The following NOL4L variants were observed in gnomAD, a reference collection of about 807,000 sequenced individuals.
The protein encoded by NOL4L is nucleolar protein 4-like.
Under a neutral mutation model 64.5 loss-of-function variants are expected in NOL4L, and 7 were observed. The ratio of observed to expected loss-of-function variants is 0.11; its 90% CI spans 0.06 to 0.20. The LOEUF is 0.20. Ranked by LOEUF, NOL4L falls within the 10% of genes least tolerant of loss-of-function variation. The pLI, the probability that NOL4L is intolerant of heterozygous loss-of-function variation, is 1.00. For synonymous variants in NOL4L, 413 were observed against 401.0 expected, an observed-to-expected ratio of 1.03 and a Z score of -0.36; for missense variants, 680 against 967.1, an observed-to-expected ratio of 0.70 and a Z score of 3.94.
Position 32,447,834 on chromosome 20 carries a change from G to A in NOL4L, c.1823-18C>T, listed in dbSNP as rs756005579. 6.5e-7 allele frequency: 1 copy of A among 1,526,872 alleles called. No homozygotes were observed. The highest frequency in any genetic ancestry group is 8.8e-7 in the Non-Finnish European group (1 of 1,136,210). 94.6% of individuals were successfully genotyped at this position (1,526,872 alleles called of 1,614,324 possible). ...CGTGGGCCCTGTGGAGAGGGAAGTA[G>A]GGTGAGAAGGGAGCAGCCACCCTGC... On this transcript the variant is annotated intron_variant, in intron 10 of 10. Transcript: ENST00000621426.
chr20:32,554,840 C>T (rs1978549038), intron 1 of NOL4L, among the ~76,000 whole-genome samples: 1 of 152,196 alleles, frequency 6.6e-6, no homozygotes, highest in African/African-American at 2.4e-5. Context: ...ACTAATTCAT[C>T]TTGAGCACCT....
chr20:32,485,709 C>T (rs2016060214), intron 4 of NOL4L: 1 of 470,326 alleles, frequency 2.1e-6, no homozygotes, highest in African/African-American at 2.0e-5. Context: ...GTGGCCACAG[C>T]TCTTAAGTTC....
At chr20:32,495,086 G>C (rs1466591402) in intron 4 of NOL4L, among the ~76,000 whole-genome samples, 1 of 152,244 alleles carries the variant, frequency 6.6e-6, no homozygotes, top group Non-Finnish European at 1.5e-5. Flanking sequence ...CCTGCTGTGC[G>C]TACTGTGGTG....
intron 4 of NOL4L, among the ~76,000 whole-genome samples, chr20:32,487,942 T>TTA (rs2016164550): frequency 6.6e-6 from 1 of 151,792 alleles, no homozygotes; most frequent in African/African-American, 2.4e-5. Flanking sequence ...TTATTTTTTT[T>TTA]TTTTTTTGAC....
intron 1 of NOL4L, among the ~76,000 whole-genome samples, chr20:32,551,877 C>A (rs1406197725): frequency 6.6e-6 from 1 of 152,150 alleles, no homozygotes; most frequent in South Asian, 2.1e-4. Flanking sequence ...CAGCCTTGAA[C>A]TCCTGGGCTC....
At chr20:32,532,046 C>T (rs1159990059) in intron 1 of NOL4L, among the ~76,000 whole-genome samples, 2 of 152,216 alleles carry the variant, frequency 1.3e-5, no homozygotes, top group Admixed American at 1.3e-4. Flanking sequence ...TGTGGCCTGT[C>T]TCTTCCCAGC....
At chr20:32,533,371 C>T (rs907089633) in intron 1 of NOL4L, 4 of 152,212 alleles carry the variant, frequency 2.6e-5, no homozygotes, top group African/African-American at 7.2e-5. Context: ...CCACCTTAAA[C>T]CTACCAAATC....
intron 6 of NOL4L, chr20:32,454,221 C>T (rs548288441): frequency 8.6e-5 from 15 of 174,616 alleles, no homozygotes; most frequent in Admixed American, 1.6e-4. Flanking sequence ...AGTTGACAAC[C>T]GAGCTGTCAC....
At chr20:32,583,661 C>T (rs1484214210) in intron 1 of NOL4L, among the ~76,000 whole-genome samples, 25 of 149,574 alleles carry the variant, frequency 1.7e-4, no homozygotes, top group Non-Finnish European at 2.7e-4. Context: ...CCCCCCAGCC[C>T]CCACCCTCTG....
chr20:32,488,787 C>T (rs1294634285), intron 4 of NOL4L, among the ~76,000 whole-genome samples: 4 of 40,794 alleles, frequency 9.8e-5, no homozygotes, highest in African/African-American at 1.8e-4. Flanking sequence ...TCCTTCCTTC[C>T]TTCCTTTCTT....
At chr20:32,510,119 T>A in intron 4 of NOL4L, 1 of 397,662 alleles carries the variant, frequency 2.5e-6, no homozygotes, top group Non-Finnish European at 4.8e-6. Flanking sequence ...CCCAAGCCCA[T>A]TTTCCCCACT....
chr20:32,500,538 C>CTTTTT (rs35172494), intron 4 of NOL4L, among the ~76,000 whole-genome samples: 2 of 129,580 alleles, frequency 1.5e-5, no homozygotes, highest in Non-Finnish European at 3.3e-5. Flanking sequence ...GTATTTCTTT[C>CTTTTT]TTTTTTTTTT....
In NOL4L at chr20:32,446,494, A is replaced by G. The variant is rs1447341714; in HGVS notation, c.*1102T>C. 1 of 152,192 alleles carries G rather than the reference A, an allele frequency of 6.6e-6. No homozygotes were observed. Among genetic ancestry groups the G allele is most frequent in the Non-Finnish European group, 1.5e-5 (1 of 68,054 alleles). 9.4% of individuals were successfully genotyped at this position (152,192 alleles called of 1,614,324 possible). Reference sequence around the variant, plus strand: ...GAAGTGGCCCCTCTTGGCAGGAGTGAGTCTGAGGGGCCAGGCCTGTGCACA... The same window carrying G: ...GAAGTGGCCCCTCTTGGCAGGAGTGGGTCTGAGGGGCCAGGCCTGTGCACA... On this transcript the variant is annotated 3_prime_UTR_variant, in exon 11 of 11. Transcript: ENST00000621426.
At chr20:32,487,137 A>C (rs1220997204) in intron 4 of NOL4L, among the ~76,000 whole-genome samples, 1 of 151,962 alleles carries the variant, frequency 6.6e-6, no homozygotes, top group African/African-American at 2.4e-5. Context: ...GCGTGGTGGC[A>C]CACACCTGTA....
At chr20:32,533,444 ACTG>A (rs2145587393) in intron 1 of NOL4L, 1 of 152,332 alleles carries the variant, frequency 6.6e-6, no homozygotes, top group South Asian at 2.1e-4. Flanking sequence ...GATTTTGAGA[ACTG>A]CTGATCAGAA....
At chr20:32,519,147 C>G (rs1160732384) in intron 3 of NOL4L, among the ~76,000 whole-genome samples, 2 of 152,164 alleles carry the variant, frequency 1.3e-5, no homozygotes, top group Non-Finnish European at 2.9e-5. Flanking sequence ...TGGGAACCAG[C>G]ATTTATGAGG....
intron 1 of NOL4L, among the ~76,000 whole-genome samples, chr20:32,551,767 T>C (rs1600867383): frequency 6.6e-6 from 1 of 152,050 alleles, no homozygotes; most frequent in Admixed American, 6.6e-5. Context: ...GAATATATGA[T>C]ACTGAAAGTC....
At chr20:32,475,790 C>T (rs552289778) in intron 4 of NOL4L, among the ~76,000 whole-genome samples, 1 of 152,346 alleles carries the variant, frequency 6.6e-6, no homozygotes, top group South Asian at 2.1e-4. Context: ...CCCTCACAGA[C>T]ACCTCTTTTA....
chr20:32,583,444 G>T (rs988887662), intron 1 of NOL4L, among the ~76,000 whole-genome samples: 2 of 146,990 alleles, frequency 1.4e-5, no homozygotes, highest in African/African-American at 5.0e-5. Context: ...CCGGCCGGGG[G>T]AGGAGCGCGG....
Sources: allele counts gnomAD v4.1 joint callset (sites outside exome capture counted in the v4.1 genomes callset), GRCh38; gene constraint gnomAD v4.1.1; transcripts MANE v1.5; gene names NCBI Gene and HGNC (gene_info 2026-07-23, HGNC 2026-07-21).